Variants in USP19 observed in about 807,000 individuals in gnomAD.
The protein encoded by USP19 is ubiquitin specific peptidase 19.
A neutral mutation model predicts 144.8 loss-of-function variants in USP19; 40 were observed. That is an observed-to-expected ratio of 0.28 (90% CI 0.21 to 0.36). USP19 has a LOEUF of 0.36. USP19 is among the 10% of genes least tolerant of loss of function. The pLI, the probability that USP19 is intolerant of heterozygous loss-of-function variation, is 1.00. For missense variants in USP19, 1,518 were observed against 1,822.5 expected (o/e 0.83, Z 3.04); for synonymous variants, 701 against 709.3 (o/e 0.99, Z 0.19).
intron 1 of USP19, 99 bp from the exon 2 acceptor site, chr3:49,119,380 G>C: frequency 2.0e-6 from 1 of 487,952 alleles, no homozygotes; most frequent in Non-Finnish European, 3.6e-6. Flanking sequence ...CTACAGAGCT[G>C]TATCTTCTCA....
At position 49,118,160 on chromosome 3, in the gene USP19, G is replaced by A. The variant is rs138226154; in HGVS notation, c.125-40C>T. On this transcript the variant is annotated intron_variant, in intron 2 of 26. Transcript: ENST00000417901. ...AGAAAAATTAGTCAAGCATGGTGAG[G>A]AGGCTGAGGTAGGAGGACTGCTTGA... 2.0e-5 allele frequency: 17 copies of A among 835,106 alleles called. No homozygotes were observed. The South Asian group carries it at 2.8e-4, about 14-fold the overall frequency. 51.7% of individuals were successfully genotyped at this position (835,106 alleles called of 1,614,324 possible).
rs374991992 is a variant in USP19 at position 49,111,823 on chromosome 3, G to T, written c.2904-10C>A. The T allele has an allele frequency of 6.3e-7, 1 of 1,576,434 alleles. No individual in the cohort carries two copies. ...TACACTCACAGAGTACCTGGCAACA[G>T]AGAACAACGCAAGTAAGACTCCTGA... On this transcript the variant is annotated splice_polypyrimidine_tract_variant and intron_variant, in intron 20 of 26. Coordinates refer to ENST00000417901, the MANE Select transcript of USP19 (RefSeq NM_001199161.2). This position sits in a 1 kb window ranked among gnomAD's most constrained non-coding sequence, Gnocchi z 5.9.
At chr3:49,119,567 T>C (rs1260358360) in intron 1 of USP19, among the ~76,000 whole-genome samples, 1 of 152,242 alleles carries the variant, frequency 6.6e-6, no homozygotes, top group Non-Finnish European at 1.5e-5. Flanking sequence ...ACCAGGCTAC[T>C]CCACCAATCT....
chr3:49,114,190 T>C lies in USP19; in HGVS notation c.2387A>G (p.His796Arg). The C allele has an allele frequency of 4.3e-6, 7 of 1,614,188 alleles. No homozygotes were observed. The highest frequency in any genetic ancestry group is 5.9e-6 in the Non-Finnish European group (7 of 1,180,028). The change falls in exon 16 of 27, where the codon CAC becomes CGC. Residue 796 changes from histidine to arginine, a missense_variant. His to Arg is a conservative substitution (Grantham distance 29). Coordinates refer to ENST00000417901, the MANE Select transcript of USP19 (RefSeq NM_001199161.2). The surrounding 1 kb of genome is among the most constrained non-coding windows in gnomAD (Gnocchi z 4.5). ...LPVFYFAREP[H>R]SKPIKFLVSV... The stretch of plus-strand genomic sequence containing the variant: ...ACTCCTCACCTTGATGGGCTTGCTG[T>C]GGGGCTCTCGGGCAAAATAAAAGAC...
Position 49,117,798 on chromosome 3 carries a change from T to G in USP19, c.331A>C (p.Thr111Pro). Residue 111 changes from threonine to proline, a missense_variant, in exon 4 of 27, where the codon ACT becomes CCT. Physicochemically the swap from Thr to Pro is conservative, Grantham distance 38 (BLOSUM62 -1). Around this residue, in one of 5 missense-constraint regions of USP19, gnomAD observed 707 missense variants for 728.9 expected, o/e 0.97. Coordinates refer to ENST00000417901, the MANE Select transcript of USP19 (RefSeq NM_001199161.2). The surrounding 1 kb of genome is among the most constrained non-coding windows in gnomAD (Gnocchi z 4.4). The stretch of plus-strand genomic sequence containing the variant: ...TCGAGCAACAACTCTGGAGTGGGAG[T>G]AGCCAAGAGATCATGAGGGTCTTCA... ...ACEDPHDLLA[T>P]PTPELLLDWR... is the part of the protein sequence containing the mutation. The G allele has an allele frequency of 6.2e-7, 1 of 1,613,808 alleles. No individual in the cohort carries two copies. Among genetic ancestry groups the G allele is most frequent in the Non-Finnish European group, 8.5e-7 (1 of 1,179,974 alleles).
rs1188436088 is a variant in USP19 at position 49,108,561 on chromosome 3, C to A, written c.4039-33G>T. On this transcript the variant is annotated intron_variant, in intron 26 of 26. Transcript: ENST00000417901. The surrounding 1 kb of genome is among the most constrained non-coding windows in gnomAD (Gnocchi z 4.8). ...AGAATACGAGGACAGGGGTTGGGGG[C>A]TGCCCAGCATGCCGCCTGGCATCCC... is the stretch of plus-strand genomic sequence containing the variant. The A allele has an allele frequency of 2.4e-6, 3 of 1,239,798 alleles. No homozygotes were observed. In the East Asian group the frequency reaches 1.0e-4, roughly 41 times the overall value. 76.8% of individuals were successfully genotyped at this position (1,239,798 alleles called of 1,614,324 possible). A position where few individuals can be genotyped will look rare whatever the true frequency, so the allele number is the denominator to read the frequency against.
In USP19 at chr3:49,117,189, G is replaced by A. The variant is rs1165042726; in HGVS notation, c.779C>T (p.Pro260Leu). The change falls in exon 6 of 27, where the codon CCC becomes CTC. Residue 260 changes from proline to leucine, a missense_variant. Coordinates refer to ENST00000417901, the MANE Select transcript of USP19 (RefSeq NM_001199161.2). The surrounding 1 kb of genome is among the most constrained non-coding windows in gnomAD (Gnocchi z 4.4). ...GRGEVGAGAGPGAQAGPSAKR... is the reference protein window; with the variant it reads ...GRGEVGAGAGLGAQAGPSAKR... ...GGCGCTGGGCCCTGCCTGGGCCCCG[G>A]GGCCAGCCCCTGCGCCTACCTCACC... 1 of 1,547,898 alleles carries A rather than the reference G, an allele frequency of 6.5e-7. No individual in the cohort carries two copies. The highest frequency in any genetic ancestry group is 8.7e-7 in the Non-Finnish European group (1 of 1,146,866).
Position 49,111,687 on chromosome 3 carries a change from G to A in USP19, c.3030C>T (p.Pro1010=). The change falls in exon 21 of 27, where the codon CCC becomes CCT. Residue 1010 remains proline, a synonymous_variant. Coordinates refer to ENST00000417901, the MANE Select transcript of USP19 (RefSeq NM_001199161.2). The surrounding 1 kb of genome is among the most constrained non-coding windows in gnomAD (Gnocchi z 5.9). ...SLEAGDSERD[P]IQPPELQLVT... ...CCAGCTGGAGCTCAGGTGGCTGAAT[G>A]GGGTCTCTCTCGCTGTCCCCAGCCT... 1 of 1,600,430 alleles carries A rather than the reference G, an allele frequency of 6.2e-7. No individual in the cohort carries two copies. Among genetic ancestry groups the A allele is most frequent in the South Asian group, 1.1e-5 (1 of 89,344 alleles).
chr3:49,115,823 A>T lies in USP19; in HGVS notation c.1593T>A (p.Asp531Glu), dbSNP rs763512603. 2 of 1,613,684 alleles carry T rather than the reference A, an allele frequency of 1.2e-6. No homozygotes were observed. Among genetic ancestry groups the T allele is most frequent in the African/African-American group, 2.7e-5 (2 of 74,876 alleles). ...GQEEARAVEK[D>E]KSKARSEDTG... ...TGTCCTCAGATCGTGCCTTGGATTTATCCTTCTCCACAGCCCGGGCCTCCT... is the reference window on the plus strand; with the variant it reads ...TGTCCTCAGATCGTGCCTTGGATTTTTCCTTCTCCACAGCCCGGGCCTCCT... The change falls in exon 11 of 27, where the codon GAT becomes GAA. Residue 531 changes from aspartate to glutamate, a missense_variant. This residue lies in a region of USP19 where 707 missense variants were observed against 728.9 expected (regional missense o/e 0.97). Transcript: ENST00000417901. The surrounding 1 kb of genome is among the most constrained non-coding windows in gnomAD (Gnocchi z 6.6).
Position 49,117,448 on chromosome 3 carries a change from G to T in USP19, c.595C>A (p.Pro199Thr). 1 of 1,614,154 alleles carries T rather than the reference G, an allele frequency of 6.2e-7. No individual in the cohort carries two copies. The highest frequency in any genetic ancestry group is 8.5e-7 in the Non-Finnish European group (1 of 1,180,042). ...CTACTAGAACTCACCAGGAGGGAGG[G>T]CCACGTGAGCATAGGCACCTTTTTG... ...LPKKVPMLTW[P>T]SLLKKPLGTQ... The change falls in exon 5 of 27, where the codon CCC (proline) becomes ACC (threonine). Residue 199 changes from proline to threonine, a missense_variant. By Grantham distance (38) the Pro-to-Thr change is conservative. This residue lies in a region of USP19 where 707 missense variants were observed against 728.9 expected (regional missense o/e 0.97). Transcript: ENST00000417901. This position sits in a 1 kb window ranked among gnomAD's most constrained non-coding sequence, Gnocchi z 4.4.
rs774115775 is a variant in USP19, at chr3:49,108,681, G to A, written c.4039-153C>T. 1.7e-4 allele frequency: 218 copies of A among 1,313,782 alleles called. No individual in the cohort carries two copies. Among genetic ancestry groups the A allele is most frequent in the Admixed American group, 3.0e-4 (8 of 27,080 alleles). The allele number at this position is 1,313,782 out of a possible 1,614,324, so 81.4% of individuals were successfully genotyped here. On this transcript the variant is annotated intron_variant, in intron 26 of 26. Transcript: ENST00000417901. The surrounding 1 kb of genome is among the most constrained non-coding windows in gnomAD (Gnocchi z 4.8). ...GAGACAGAGAGACGAGATTGGGCCT[G>A]AATAGTCTGGTTTTATTAACACTTT...
Position 49,110,559 on chromosome 3 carries a change from C to T in USP19, c.3744G>A (p.Gln1248=), listed in dbSNP as rs777894048. The T allele has an allele frequency of 1.4e-5, 22 of 1,613,946 alleles. No homozygotes were observed. Among genetic ancestry groups the T allele is most frequent in the Non-Finnish European group, 3.4e-6 (4 of 1,180,040 alleles). ...CAGCATATAGATCGTAGCTGGGCAG[C>T]TGCTCCTCTTTCTGACCAATGCAGA... ...SKFCIGQKEE[Q]LPSYDLYAVI... The change falls in exon 25 of 27, where the codon CAG becomes CAA. Residue 1248 remains glutamine, a synonymous_variant. Coordinates refer to ENST00000417901, the MANE Select transcript of USP19 (RefSeq NM_001199161.2). The surrounding 1 kb of genome is among the most constrained non-coding windows in gnomAD (Gnocchi z 6.1).
In USP19 at chr3:49,112,459, C is replaced by A. The variant is rs748568426; in HGVS notation, c.2646+30G>T. On this transcript the variant is annotated intron_variant, in intron 18 of 26. Coordinates refer to ENST00000417901, the MANE Select transcript of USP19 (RefSeq NM_001199161.2). This position sits in a 1 kb window ranked among gnomAD's most constrained non-coding sequence, Gnocchi z 4.9. ...GGAAGAAGTGCCCCACCCACCAGGG[C>A]GCTGTGCCATCAGGTTGGCCCCCAC... 6.2e-7 allele frequency: 1 copy of A among 1,613,620 alleles called. No individual in the cohort carries two copies. Among genetic ancestry groups the A allele is most frequent in the African/African-American group, 1.3e-5 (1 of 74,884 alleles).
Position 49,116,174 on chromosome 3 carries a change from G to T in USP19, c.1356-12C>A, listed in dbSNP as rs1309688638. The T allele has an allele frequency of 1.2e-6, 2 of 1,613,804 alleles. No individual in the cohort carries two copies. Among genetic ancestry groups the T allele is most frequent in the African/African-American group, 2.7e-5 (2 of 74,916 alleles). ...GCTCAATCAGATTCCTGTGGGAAAA[G>T]GCTGAACTCAGGGACTTAGGAGGAA... On this transcript the variant is annotated splice_polypyrimidine_tract_variant and intron_variant, in intron 9 of 26. Coordinates refer to ENST00000417901, the MANE Select transcript of USP19 (RefSeq NM_001199161.2). The surrounding 1 kb of genome is among the most constrained non-coding windows in gnomAD (Gnocchi z 5.0).
At chr3:49,118,232 C>T (rs1190331764) in intron 2 of USP19, 112 bp from the exon 3 acceptor site, 5 of 540,376 alleles carry the variant, frequency 9.3e-6, no homozygotes, top group African/African-American at 1.9e-5. Flanking sequence ...ACCTGCACTG[C>T]ACTCCAATCT....
In USP19 at chr3:49,117,974, T is replaced by G. The variant is rs764457703; in HGVS notation, c.271A>C (p.Thr91Pro). Reference sequence around the variant, plus strand: ...TCTTTGGTCTGCTCCTCTTGAGGAGTGGATGCTGACCCTGACGATGAAGGA... The same window carrying G: ...TCTTTGGTCTGCTCCTCTTGAGGAGGGGATGCTGACCCTGACGATGAAGGA... The part of the protein sequence containing the change: ...FFPSSSGSAS[T>P]PQEEQTKEGA... The change falls in exon 3 of 27, where the codon ACT becomes CCT. Residue 91 changes from threonine (T) to proline (P), a missense_variant. Around this residue, in one of 5 missense-constraint regions of USP19, gnomAD observed 707 missense variants for 728.9 expected, o/e 0.97. Transcript: ENST00000417901. This position sits in a 1 kb window ranked among gnomAD's most constrained non-coding sequence, Gnocchi z 4.4. 1.2e-5 allele frequency: 20 copies of G among 1,611,132 alleles called. No homozygotes were observed. The Admixed American group carries it at 3.2e-4, about 26-fold the overall frequency.
In USP19 at chr3:49,113,986, A is replaced by G; in HGVS notation, c.2505+6T>C. 6.2e-7 allele frequency: 1 copy of G among 1,614,002 alleles called. No individual in the cohort carries two copies. The highest frequency in any genetic ancestry group is 1.3e-5 in the African/African-American group (1 of 75,064). ...CATGTGATAGCCCAAGGAAGGACAAAGATACCTCCGCCAAACGCAGGTTCT... is the reference window on the plus strand; with the variant it reads ...CATGTGATAGCCCAAGGAAGGACAAGGATACCTCCGCCAAACGCAGGTTCT... On this transcript the variant is annotated splice_donor_region_variant and intron_variant, in intron 17 of 26. Transcript: ENST00000417901.
rs955919174 is a variant in USP19, at chr3:49,116,233, G to C, written c.1355+47C>G. ...AGGATAGATGAGCCAGGGAGATGGA[G>C]CCCACGGGGTAGGACAGGCACAGTG... On this transcript the variant is annotated intron_variant, in intron 9 of 26. Coordinates refer to ENST00000417901, the MANE Select transcript of USP19 (RefSeq NM_001199161.2). The surrounding 1 kb of genome is among the most constrained non-coding windows in gnomAD (Gnocchi z 5.0). The C allele has an allele frequency of 1.2e-6, 2 of 1,613,462 alleles. No individual in the cohort carries two copies. Among genetic ancestry groups the C allele is most frequent in the African/African-American group, 2.7e-5 (2 of 74,898 alleles).
In USP19 at chr3:49,114,987, G is replaced by A; in HGVS notation, c.2153C>T (p.Thr718Ile). Reference sequence around the variant, plus strand: ...ATCGGGCCGCCCATCTGAATCCACGGTCTCTGTGTAGGGCTTGTTCTGAAT... The same window carrying A: ...ATCGGGCCGCCCATCTGAATCCACGATCTCTGTGTAGGGCTTGTTCTGAAT... ...NRIQNKPYTE[T>I]VDSDGRPDEV... Residue 718 changes from threonine to isoleucine, a missense_variant, in exon 14 of 27, where the codon ACC (threonine) becomes ATC (isoleucine). Physicochemically the swap from Thr to Ile is moderately conservative, Grantham distance 89. This residue lies in a region of USP19 where 158 missense variants were observed against 277.3 expected (regional missense o/e 0.57). Transcript: ENST00000417901. This position sits in a 1 kb window ranked among gnomAD's most constrained non-coding sequence, Gnocchi z 4.5. The A allele has an allele frequency of 6.2e-7, 1 of 1,614,140 alleles. No individual in the cohort carries two copies. Among genetic ancestry groups the A allele is most frequent in the Non-Finnish European group, 8.5e-7 (1 of 1,180,028 alleles).
Sources: allele counts gnomAD v4.1 joint callset (sites outside exome capture counted in the v4.1 genomes callset), GRCh38; gene constraint gnomAD v4.1.1; regional missense constraint gnomAD v4.1.1; non-coding constraint Gnocchi (gnomAD v3.1); transcripts MANE v1.5; gene names NCBI Gene and HGNC (gene_info 2026-07-23, HGNC 2026-07-21).